Variants in AQP11 observed in about 807,000 individuals in gnomAD.
AQP11 encodes aquaporin-11.
A neutral mutation model predicts 21.1 loss-of-function variants in AQP11; 20 were observed. The ratio of observed to expected loss-of-function variants is 0.95; its 90% CI spans 0.67 to 1.38. AQP11 has a LOEUF of 1.38. Among genes scored for constraint, AQP11 ranks in the 40% most tolerant of loss-of-function variants. AQP11 has a pLI of 0.00. For missense variants in AQP11, 339 were observed against 340.4 expected, an observed-to-expected ratio of 1.00 and a Z score of 0.03; for synonymous variants, 167 against 150.1, an observed-to-expected ratio of 1.11 and a Z score of -0.82.
intron 1 of AQP11, 49 bp downstream of exon 1, chr11:77,590,660 T>C (rs762218546): frequency 1.3e-6 from 2 of 1,558,454 alleles, no homozygotes; most frequent in Non-Finnish European, 1.7e-6. Flanking sequence ...CTCTATGACA[T>C]GAGGCTGTAA....
Position 77,609,383 on chromosome 11 carries a change from C to A in AQP11, c.*6C>A. ...CAATTAATAAAAAGGAATAACTGTT[C>A]CAAAGACTCAGACTAACATACAGGA... On this transcript the variant is annotated 3_prime_UTR_variant, in exon 3 of 3. Transcript: ENST00000313578. 1 of 1,607,336 alleles carries A rather than the reference C, an allele frequency of 6.2e-7. No individual in the cohort carries two copies. The highest frequency in any genetic ancestry group is 1.1e-5 in the South Asian group (1 of 90,346).
intron 1 of AQP11, among the ~76,000 whole-genome samples, chr11:77,596,088 G>A (rs1044117236): frequency 3.3e-5 from 5 of 151,250 alleles, no homozygotes; most frequent in African/African-American, 1.2e-4. Flanking sequence ...GCCAGGTGTA[G>A]TGGTTCATGC....
chr11:77,599,848 A>C (rs1958805164), intron 1 of AQP11, among the ~76,000 whole-genome samples: 1 of 152,108 alleles, frequency 6.6e-6, no homozygotes, highest in Admixed American at 6.6e-5. Flanking sequence ...AGCCTCCCAA[A>C]GTGCTGGGAT....
chr11:77,591,924 G>T (rs1410702303), intron 1 of AQP11, among the ~76,000 whole-genome samples: 3 of 151,644 alleles, frequency 2.0e-5, no homozygotes, highest in Admixed American at 2.0e-4. Flanking sequence ...CCTTCTTTAG[G>T]TCTAGTACCA....
intron 2 of AQP11, among the ~76,000 whole-genome samples, chr11:77,607,763 CA>C (rs879304990): frequency 0.025 from 1,829 of 74,246 alleles, 27 homozygotes; most frequent in African/African-American, 0.067. Context: ...GACCCTGTCT[CA>C]AAAAAAAAAA....
chr11:77,591,322 T>G (rs755737519), intron 1 of AQP11: 34 of 984,510 alleles, frequency 3.5e-5, no homozygotes, highest in Non-Finnish European at 4.1e-5. Context: ...TCAGATGCAG[T>G]GGGCAATCTA....
Position 77,609,508 on chromosome 11 carries a change from T to C in AQP11, c.*131T>C. 1 of 633,958 alleles carries C rather than the reference T, an allele frequency of 1.6e-6. No individual in the cohort carries two copies. Among genetic ancestry groups the C allele is most frequent in the Non-Finnish European group, 2.5e-6 (1 of 396,036 alleles). The allele number at this position is 633,958 out of a possible 1,614,324, so 39.3% of individuals were successfully genotyped here. On this transcript the variant is annotated 3_prime_UTR_variant, in exon 3 of 3. Coordinates refer to ENST00000313578, the MANE Select transcript of AQP11 (RefSeq NM_173039.3). ...AACTTCCTTTGAGGAAGCTGCCTTA[T>C]AGTTTTCATCACTGGGACTTTAAAA...
intron 1 of AQP11, among the ~76,000 whole-genome samples, chr11:77,596,468 ATGTAAATATATATG>A (rs1238237655): frequency 2.5e-4 from 35 of 141,432 alleles, no homozygotes; most frequent in African/African-American, 8.8e-4. Flanking sequence ...ATATATATAT[ATGTAAATATATATG>A]TGTAAATATA....
intron 2 of AQP11, among the ~76,000 whole-genome samples, chr11:77,608,191 T>C (rs1958857413): frequency 6.6e-6 from 1 of 152,258 alleles, no homozygotes; most frequent in African/African-American, 2.4e-5. Context: ...ACTGCAGATT[T>C]ACTTTTCAGG....
intron 1 of AQP11, among the ~76,000 whole-genome samples, chr11:77,602,402 C>G (rs973319728): frequency 3.3e-5 from 5 of 152,114 alleles, no homozygotes; most frequent in African/African-American, 1.2e-4. Flanking sequence ...TTTGTGTAAT[C>G]AAACTGAAAT....
At chr11:77,603,733 T>TACAC in intron 2 of AQP11, 61 bp downstream of exon 2, 14 of 1,178,710 alleles carry the variant, frequency 1.2e-5, no homozygotes, top group Admixed American at 2.6e-5. Flanking sequence ...ATGATATGTG[T>TACAC]ATATCATTGT....
At chr11:77,593,661 A>T (rs1362941972) in intron 1 of AQP11, among the ~76,000 whole-genome samples, 1 of 150,078 alleles carries the variant, frequency 6.7e-6, no homozygotes, top group Non-Finnish European at 1.5e-5. Flanking sequence ...AAACAAAAAC[A>T]AAAAAAAACA....
At position 77,590,618 on chromosome 11, in the gene AQP11, C is replaced by T; in HGVS notation, c.619+7C>T. ...ACCTTTTTGGTCTATGCAGGTTTGT[C>T]ATTCTCACCAAATACTTGGCACTTC... On this transcript the variant is annotated splice_region_variant and intron_variant, in intron 1 of 2. Transcript: ENST00000313578. 1.9e-6 allele frequency: 3 copies of T among 1,607,106 alleles called. No homozygotes were observed. Among genetic ancestry groups the T allele is most frequent in the Non-Finnish European group, 2.6e-6 (3 of 1,176,344 alleles).
chr11:77,607,918 CA>C (rs1170310372), intron 2 of AQP11, among the ~76,000 whole-genome samples: 2 of 150,218 alleles, frequency 1.3e-5, no homozygotes, highest in Non-Finnish European at 3.0e-5. Flanking sequence ...TAAAAAATGA[CA>C]AAAAAATCTG....
At chr11:77,606,743 T>C (rs1296709153) in intron 2 of AQP11, among the ~76,000 whole-genome samples, 1 of 152,144 alleles carries the variant, frequency 6.6e-6, no homozygotes, top group Non-Finnish European at 1.5e-5. Flanking sequence ...ATGGGGTTTC[T>C]ATAAAACCAC....
rs532779363 is a variant in AQP11 at position 77,607,696 on chromosome 11, G to A, written c.737-1602G>A. 1.4e-4 allele frequency among the ~76,000 whole-genome samples: 21 copies of A among 151,194 alleles called. 1 individual carries two copies. In the South Asian group the frequency reaches 2.9e-3, roughly 21 times the overall value. ...GAGAATCACTTGAGCCCAGGAAGTC[G>A]AGGCTGCAGTGAGCCGAGATCGTAC... On this transcript the variant is annotated intron_variant, in intron 2 of 2. Coordinates refer to ENST00000313578, the MANE Select transcript of AQP11 (RefSeq NM_173039.3).
intron 1 of AQP11, among the ~76,000 whole-genome samples, chr11:77,595,000 A>G (rs1293641974): frequency 1.3e-5 from 2 of 152,176 alleles, no homozygotes; most frequent in East Asian, 3.8e-4. Flanking sequence ...AGTTCAATGA[A>G]CAGTTTGAGA....
At chr11:77,598,200 T>C (rs1324516493) in intron 1 of AQP11, among the ~76,000 whole-genome samples, 2 of 152,232 alleles carry the variant, frequency 1.3e-5, no homozygotes, top group Non-Finnish European at 2.9e-5. Flanking sequence ...TCTAAATGAA[T>C]AAATAGACCT....
intron 2 of AQP11, 138 bp from the exon 3 acceptor site, chr11:77,609,160 A>G: frequency 1.8e-6 from 1 of 547,078 alleles, no homozygotes; most frequent in African/African-American, 1.9e-5. Context: ...TGTTTCACGT[A>G]GAATTGATGT....
Sources: gnomAD v4.1 joint callset for allele counts (sites outside exome capture counted in the v4.1 genomes callset) on GRCh38, gnomAD v4.1.1 for gene constraint, MANE v1.5 for transcripts, NCBI Gene and HGNC (gene_info 2026-07-23, HGNC 2026-07-21) for gene names.